Variants in ZNF114 observed in about 807,000 individuals in gnomAD.
ZNF114 encodes the protein zinc finger protein 114.
A neutral mutation model predicts 6.8 loss-of-function variants in ZNF114; 8 were observed. That is an observed-to-expected ratio of 1.18 (90% CI 0.69 to 2.13). ZNF114 has a LOEUF of 2.13. ZNF114 is among the 30% of genes most tolerant of loss of function. The probability of loss-of-function intolerance (pLI) is 0.00; values close to 1 mark genes in which losing one functional copy is unlikely to be tolerated. For synonymous variants in ZNF114, 169 were observed against 185.5 expected (o/e 0.91, Z 0.72); for missense variants, 472 against 519.5 (o/e 0.91, Z 0.89).
rs371406708 is a variant in ZNF114 at position 48,282,417 on chromosome 19, A to G, written c.56A>G (p.Glu19Gly). 23 of 1,613,532 alleles carry G rather than the reference A, an allele frequency of 1.4e-5. No homozygotes were observed. Among genetic ancestry groups the G allele is most frequent in the Non-Finnish European group, 3.4e-6 (4 of 1,179,778 alleles). The change falls in exon 5 of 6, where the codon GAG becomes GGG. Residue 19 changes from glutamate to glycine, a missense_variant. By Grantham distance (98) the Glu-to-Gly change is moderately conservative. Coordinates refer to ENST00000595607, the MANE Select transcript of ZNF114 (RefSeq NM_153608.4). Reference sequence around the variant, plus strand: ...GTGGCTGTGAACTTCACCAAAGAGGAGTGGACCCTGCTGGACCCAGCTCAG... The same window carrying G: ...GTGGCTGTGAACTTCACCAAAGAGGGGTGGACCCTGCTGGACCCAGCTCAG... ...ADVAVNFTKE[E>G]WTLLDPAQRN...
chr19:48,276,745 A>G (rs1369417400), intron 3 of ZNF114, among the ~76,000 whole-genome samples: 1 of 152,164 alleles, frequency 6.6e-6, no homozygotes. Flanking sequence ...GGTGGTATCA[A>G]AATCCTGGGC....
intron 5 of ZNF114, among the ~76,000 whole-genome samples, chr19:48,283,771 T>A (rs1968051264): frequency 6.6e-6 from 1 of 152,030 alleles, no homozygotes; most frequent in Non-Finnish European, 1.5e-5. Flanking sequence ...TTCACTCTTG[T>A]TGCCCAGGCT....
At chr19:48,284,407 T>G (rs2147295441) in intron 5 of ZNF114, among the ~76,000 whole-genome samples, 1 of 151,456 alleles carries the variant, frequency 6.6e-6, no homozygotes, top group South Asian at 2.1e-4. Context: ...CTTTTTGTCT[T>G]TAAAAACAAT....
At position 48,287,170 on chromosome 19, in the gene ZNF114, C is replaced by T; in HGVS notation, c.*292C>T. The T allele has an allele frequency of 4.6e-6, 1 of 217,484 alleles. No homozygotes were observed. The highest frequency in any genetic ancestry group is 9.0e-6 in the Non-Finnish European group (1 of 110,638). 13.5% of individuals were successfully genotyped at this position (217,484 alleles called of 1,614,324 possible). On this transcript the variant is annotated 3_prime_UTR_variant, in exon 6 of 6. Coordinates refer to ENST00000595607, the MANE Select transcript of ZNF114 (RefSeq NM_153608.4). The stretch of plus-strand genomic sequence containing the variant: ...AATTCATGGTTCATACAAGAACTCA[C>T]ACTGCAGAGACTCCTTACGGAAATA...
chr19:48,285,686 G>A, intron 5 of ZNF114, 75 bp from the exon 6 acceptor site: 1 of 1,465,246 alleles, frequency 6.8e-7, no homozygotes, highest in African/African-American at 1.4e-5. Context: ...TCCACACGGA[G>A]ATTGCCTATG....
chr19:48,274,507 T>TATATA lies in ZNF114; in HGVS notation c.-70+2679_-70+2680insATATA, dbSNP rs1491211469. ...TTATATATATATATATATATATATA[T>TATATA]TTTTTTTTTTTTTTTTGAGACAGAG... On this transcript the variant is annotated intron_variant, in intron 3 of 5. Transcript: ENST00000595607. Among the ~76,000 whole-genome samples the TATATA allele has an allele frequency of 3.7e-4, 6 of 16,406 alleles. No individual in the cohort carries two copies. In the South Asian group the frequency reaches 4.1e-3, roughly 11 times the overall value. The allele number at this position is 16,406 out of a possible 152,430, so 10.8% of individuals were successfully genotyped here.
At chr19:48,278,017 C>T (rs796316268) in intron 3 of ZNF114, among the ~76,000 whole-genome samples, 12 of 152,148 alleles carry the variant, frequency 7.9e-5, no homozygotes, top group African/African-American at 2.7e-4. Context: ...TCACTGCAAC[C>T]TCCACCTCCC....
intron 5 of ZNF114, among the ~76,000 whole-genome samples, chr19:48,284,137 C>T (rs1274339064): frequency 2.6e-5 from 4 of 152,128 alleles, no homozygotes; most frequent in African/African-American, 9.7e-5. Context: ...TTCTTTGGTG[C>T]GTCAGTTTCT....
At chr19:48,273,813 A>T (rs1487924868) in intron 3 of ZNF114, among the ~76,000 whole-genome samples, 2 of 142,322 alleles carry the variant, frequency 1.4e-5, no homozygotes, top group Non-Finnish European at 3.0e-5. Context: ...GCTGGAGTGC[A>T]GTGGCGTTAT....
rs779549303 is a variant in ZNF114, at chr19:48,286,568, A to G, written c.944A>G (p.Tyr315Cys). The G allele has an allele frequency of 1.2e-6, 2 of 1,614,024 alleles. No homozygotes were observed. Among genetic ancestry groups the G allele is most frequent in the South Asian group, 1.1e-5 (1 of 91,092 alleles). The change falls in exon 6 of 6, where the codon TAT becomes TGT. Residue 315 changes from tyrosine (Y) to cysteine (C), a missense_variant. Physicochemically the swap from Tyr to Cys is radical, Grantham distance 194. Transcript: ENST00000595607. The stretch of plus-strand genomic sequence containing the variant: ...CCCGAATGTGGGAGAGCCTTTTTTT[A>G]TCAGTCATTCCTTATGAGACATATG... ...KCPECGRAFF[Y>C]QSFLMRHMKI...
At chr19:48,274,191 TTTAA>T (rs1967760365) in intron 3 of ZNF114, among the ~76,000 whole-genome samples, 1 of 151,622 alleles carries the variant, frequency 6.6e-6, no homozygotes, top group Non-Finnish European at 1.5e-5. Flanking sequence ...ATATGATTAA[TTTAA>T]TTTTTAAATT....
rs764188786 is a variant in ZNF114 at position 48,286,890 on chromosome 19, A to G, written c.*12A>G. 6 of 1,541,676 alleles carry G rather than the reference A, an allele frequency of 3.9e-6. No homozygotes were observed. The highest frequency in any genetic ancestry group is 5.2e-6 in the Non-Finnish European group (6 of 1,151,758). ...AGCCCTGTGAATGAAAGGAAGGTGG[A>G]AAATTTTTCATTAATTTTCTGACTG... On this transcript the variant is annotated 3_prime_UTR_variant, in exon 6 of 6. Coordinates refer to ENST00000595607, the MANE Select transcript of ZNF114 (RefSeq NM_153608.4).
At chr19:48,274,886 C>T (rs1967783952) in intron 3 of ZNF114, among the ~76,000 whole-genome samples, 2 of 152,092 alleles carry the variant, frequency 1.3e-5, no homozygotes, top group Admixed American at 6.6e-5. Flanking sequence ...AACTTGCCTC[C>T]CTTTGTTCAT....
intron 3 of ZNF114, among the ~76,000 whole-genome samples, chr19:48,272,945 G>A (rs1446795535): frequency 2.0e-5 from 3 of 151,810 alleles, no homozygotes; most frequent in Non-Finnish European, 2.9e-5. Flanking sequence ...ACAGGCGCCC[G>A]CCACCGCGCC....
In ZNF114 at chr19:48,278,252, A is replaced by G. The variant is rs1444728667; in HGVS notation, c.-69-1479A>G. ...CGCCCGGCCCAATTCACCTTCTTAA[A>G]GGGTGCAATTCAATGGCTTTTAGTA... is the stretch of plus-strand genomic sequence containing the variant. On this transcript the variant is annotated intron_variant, in intron 3 of 5. Transcript: ENST00000595607. 1.2e-4 allele frequency among the ~76,000 whole-genome samples: 18 copies of G among 152,118 alleles called. 1 individual carries two copies. The highest frequency in any genetic ancestry group is 1.2e-3 in the Admixed American group (18 of 15,264).
chr19:48,286,335 G>C lies in ZNF114; in HGVS notation c.711G>C (p.Arg237Ser), dbSNP rs1477966487. The change falls in exon 6 of 6, where the codon AGG becomes AGC. Residue 237 changes from arginine to serine, a missense_variant. By Grantham distance (110) the Arg-to-Ser change is moderately radical. Coordinates refer to ENST00000595607, the MANE Select transcript of ZNF114 (RefSeq NM_153608.4). Reference protein sequence around the residue: ...GKAFREDGSLRAHNTHGREKM... With the variant: ...GKAFREDGSLSAHNTHGREKM... ...CTTTCCGTGAAGACGGATCCCTTAG[G>C]GCACACAACACTCATGGTCGAGAGA... 4 of 1,614,018 alleles carry C rather than the reference G, an allele frequency of 2.5e-6. No individual in the cohort carries two copies. The Admixed American group carries it at 5.0e-5, about 20-fold the overall frequency.
rs1211247393 is a variant in ZNF114, at chr19:48,285,692, C to T, written c.137-69C>T. On this transcript the variant is annotated intron_variant, in intron 5 of 5. Transcript: ENST00000595607. ...AGAGAGAAATCCACACGGAGATTGC[C>T]TATGTCATCATCTCTAACCCACCTT... is the stretch of plus-strand genomic sequence containing the variant. 6 of 1,499,748 alleles carry T rather than the reference C, an allele frequency of 4.0e-6. No individual in the cohort carries two copies. The East Asian group carries it at 1.4e-4, about 34-fold the overall frequency. The allele number at this position is 1,499,748 out of a possible 1,614,324, so 92.9% of individuals were successfully genotyped here.
At chr19:48,271,532 G>A (rs1967656180) in intron 2 of ZNF114, 83 bp downstream of exon 2, 3 of 137,616 alleles carry the variant, frequency 2.2e-5, no homozygotes, top group African/African-American at 5.2e-5. Flanking sequence ...GGGGCGGGGG[G>A]TGGGACGGGG....
intron 3 of ZNF114, among the ~76,000 whole-genome samples, chr19:48,273,124 G>A (rs1168132331): frequency 6.6e-6 from 1 of 152,168 alleles, no homozygotes; most frequent in Admixed American, 6.6e-5. Flanking sequence ...TTTGAGTTCC[G>A]TGTGCTGAAC....
Sources: gnomAD v4.1 joint callset for allele counts (sites outside exome capture counted in the v4.1 genomes callset) on GRCh38, gnomAD v4.1.1 for gene constraint, MANE v1.5 for transcripts, NCBI Gene and HGNC (gene_info 2026-07-23, HGNC 2026-07-21) for gene names.